Variants in NTRK1 observed in about 807,000 individuals in gnomAD.
NTRK1 encodes the protein neurotrophic receptor tyrosine kinase 1.
NTRK1 carries 62 observed loss-of-function variants against 86.8 expected under a neutral mutation model. That is an observed-to-expected ratio of 0.71 (90% confidence interval 0.58 to 0.88). The LOEUF (loss-of-function observed/expected upper bound fraction) is 0.88, where lower values mean the gene tolerates loss of function less well. Ranked by LOEUF, NTRK1 falls within the 40% of genes least tolerant of loss-of-function variation. The probability of loss-of-function intolerance (pLI) is 0.00; values close to 1 mark genes in which losing one functional copy is unlikely to be tolerated. For missense variants in NTRK1, 967 were observed against 1,078.4 expected, an observed-to-expected ratio of 0.90 and a Z score of 1.45; for synonymous variants, 469 against 456.6, an observed-to-expected ratio of 1.03 and a Z score of -0.35.
intron 7 of NTRK1, among the ~76,000 whole-genome samples, chr1:156,873,218 C>A (rs1647672241): frequency 1.3e-5 from 2 of 151,942 alleles, no homozygotes; most frequent in Non-Finnish European, 2.9e-5. Context: ...GGCTTTTCCC[C>A]AAAAATTTAA....
rs546133638 is a variant in NTRK1 at position 156,841,677 on chromosome 1, T to C, written c.-63-404T>C. On this transcript the variant is annotated intron_variant, in intron 1 of 16. Transcript: ENST00000392302. Reference sequence around the variant, plus strand: ...AGCTCGGCCCCACCAGACATCCGAGTGGGTGGTGAAGATCCCATCTTTGAG... The same window carrying C: ...AGCTCGGCCCCACCAGACATCCGAGCGGGTGGTGAAGATCCCATCTTTGAG... The C allele has an allele frequency of 3.1e-6, 5 of 1,613,644 alleles. No individual in the cohort carries two copies. In the South Asian group the frequency reaches 3.3e-5, roughly 11 times the overall value.
At chr1:156,831,632 G>C (rs1654468575) in intron 1 of NTRK1, among the ~76,000 whole-genome samples, 2 of 152,134 alleles carry the variant, frequency 1.3e-5, no homozygotes. Flanking sequence ...ATCAGGGAGG[G>C]AAACTGCTTG....
In NTRK1 at chr1:156,876,302, C is replaced by G. The variant is rs566339634; in HGVS notation, c.1632+92C>G. On this transcript the variant is annotated intron_variant, in intron 13 of 16. Transcript: ENST00000524377. ...ACAGAGTGGGGGGAGATGCAGAGGG[C>G]TGACATGGCTGGATACCGGGGTGGG... 4 of 1,609,608 alleles carry G rather than the reference C, an allele frequency of 2.5e-6. No homozygotes were observed. The South Asian group carries it at 3.3e-5, about 13-fold the overall frequency.
intron 2 of NTRK1, chr1:156,844,848 G>C: frequency 1.2e-6 from 2 of 1,613,870 alleles, no homozygotes; most frequent in Admixed American, 1.7e-5. Flanking sequence ...CCTCTCCTGC[G>C]GGAAGGGGCA....
chr1:156,833,153 T>G (rs748701271), intron 1 of NTRK1, among the ~76,000 whole-genome samples: 5 of 152,186 alleles, frequency 3.3e-5, no homozygotes, highest in Admixed American at 6.5e-5. Context: ...GCTCCGCCAT[T>G]TATTAGTTGT....
chr1:156,821,960 G>A (rs1249695566), intron 1 of NTRK1, among the ~76,000 whole-genome samples: 3 of 152,192 alleles, frequency 2.0e-5, no homozygotes, highest in African/African-American at 7.2e-5. Flanking sequence ...CAGAAATAGA[G>A]GGGTGACTCA....
rs1311314144 is a variant in NTRK1, at chr1:156,844,368, G to A, written c.50+2175G>A. On this transcript the variant is annotated intron_variant, in intron 2 of 16. Coordinates refer to the NTRK1 transcript ENST00000392302. ...CTTCTCTTTCCATGCTGGGAGGTGA[G>A]GATGGGGAGGGATGCGGGGGAGGGG... 4 of 1,554,332 alleles carry A rather than the reference G, an allele frequency of 2.6e-6. No individual in the cohort carries two copies. The African/African-American group carries it at 4.1e-5, about 16-fold the overall frequency.
At chr1:156,880,736 AT>A (rs1156387053) in intron 16 of NTRK1, among the ~76,000 whole-genome samples, 1 of 152,074 alleles carries the variant, frequency 6.6e-6, no homozygotes, top group Non-Finnish European at 1.5e-5. Context: ...AGGGTTATAG[AT>A]TTTAATTTTC....
At chr1:156,816,197 C>G in intron 1 of NTRK1, 1 of 1,478,468 alleles carries the variant, frequency 6.8e-7, no homozygotes, top group East Asian at 2.4e-5. Flanking sequence ...AGGGCTGGGA[C>G]AGTCTTAACG....
chr1:156,845,807 C>T, intron 2 of NTRK1: 1 of 1,612,318 alleles, frequency 6.2e-7, no homozygotes. Flanking sequence ...TGGTGGGCAG[C>T]CGCAAGCCTG....
At chr1:156,835,238 C>T (rs1224130484) in intron 1 of NTRK1, among the ~76,000 whole-genome samples, 1 of 152,188 alleles carries the variant, frequency 6.6e-6, no homozygotes, top group Non-Finnish European at 1.5e-5. Flanking sequence ...GGTAGGGCTA[C>T]AAAAACATGC....
At chr1:156,849,220 C>T (rs761992930) in intron 2 of NTRK1, 2 of 1,611,014 alleles carry the variant, frequency 1.2e-6, no homozygotes, top group South Asian at 2.2e-5. Flanking sequence ...GCCGCGTGTC[C>T]ACCGGCACTG....
intron 9 of NTRK1, 70 bp from the exon 10 acceptor site, chr1:156,874,501 C>G (rs2102909541): frequency 6.2e-7 from 1 of 1,612,384 alleles, no homozygotes; most frequent in African/African-American, 1.3e-5. Flanking sequence ...CAGCTGGGGC[C>G]AGGGTTGGGG....
chr1:156,845,316 G>A, intron 2 of NTRK1: 6 of 1,611,304 alleles, frequency 3.7e-6, no homozygotes, highest in Non-Finnish European at 5.1e-6. Context: ...GCGAGTCAGA[G>A]CCAAGGCCCA....
rs575694773 is a variant in NTRK1 at position 156,879,459 on chromosome 1, G to C, written c.2046+97G>C. The C allele has an allele frequency of 2.2e-5, 32 of 1,460,142 alleles. No homozygotes were observed. In the South Asian group the frequency reaches 3.9e-4, roughly 18 times the overall value. 90.4% of individuals were successfully genotyped at this position (1,460,142 alleles called of 1,614,324 possible). A position where few individuals can be genotyped will look rare whatever the true frequency, so the allele number is the denominator to read the frequency against. On this transcript the variant is annotated intron_variant, in intron 15 of 16. Coordinates refer to ENST00000524377, the MANE Select transcript of NTRK1 (RefSeq NM_002529.4). The stretch of plus-strand genomic sequence containing the variant: ...AGAGCCTGCCCTTGCTAGGATGGCT[G>C]CATGGGTCTGAGATTCACTGGCTCT...
chr1:156,873,502 C>T lies in NTRK1; in HGVS notation c.851-131C>T, dbSNP rs910404139. ...TCCTTGGTGAATTTCCCAGGGCCTG[C>T]TGACCTGTTTCTCCCAGGCCTGCCC... is the stretch of plus-strand genomic sequence containing the variant. On this transcript the variant is annotated intron_variant, in intron 7 of 16. Transcript: ENST00000524377. The T allele has an allele frequency of 4.2e-6, 3 of 716,010 alleles. No homozygotes were observed. In the African/African-American group the frequency reaches 5.2e-5, roughly 12 times the overall value. The allele number at this position is 716,010 out of a possible 1,614,324, so 44.4% of individuals were successfully genotyped here.
intron 1 of NTRK1, among the ~76,000 whole-genome samples, chr1:156,827,428 A>G (rs926144284): frequency 1.3e-5 from 2 of 151,834 alleles, no homozygotes; most frequent in African/African-American, 4.8e-5. Flanking sequence ...ATGCCTGGCT[A>G]ATTTTGTATT....
At chr1:156,851,097 G>A in intron 2 of NTRK1, 1 of 688,282 alleles carries the variant, frequency 1.5e-6, no homozygotes, top group Non-Finnish European at 2.6e-6. Flanking sequence ...AAACAGTCCT[G>A]AGAAGTAAGT....
intron 2 of NTRK1, chr1:156,849,603 G>C (rs1192772184): frequency 3.1e-6 from 2 of 643,320 alleles, no homozygotes; most frequent in Non-Finnish European, 5.5e-6. Context: ...CAGCACACCG[G>C]GGGCATTCGT....
Sources: gnomAD v4.1 joint callset for allele counts (sites outside exome capture counted in the v4.1 genomes callset) on GRCh38, gnomAD v4.1.1 for gene constraint, MANE v1.5 for transcripts, NCBI Gene and HGNC (gene_info 2026-07-23, HGNC 2026-07-21) for gene names.